The following EIF2B3 variants were observed in gnomAD, a reference collection of about 807,000 sequenced individuals.
The protein encoded by EIF2B3 is eukaryotic translation initiation factor 2B subunit gamma.
EIF2B3 carries 20 observed loss-of-function variants against 54.1 expected under a neutral mutation model. The ratio of observed to expected loss-of-function variants is 0.37; its 90% CI spans 0.26 to 0.54. The LOEUF is 0.54. Among genes scored for constraint, EIF2B3 ranks in the 20% least tolerant of loss-of-function variants. EIF2B3 has a pLI of 0.86. For missense variants in EIF2B3, 448 were observed against 547.8 expected, an observed-to-expected ratio of 0.82 and a Z score of 1.82; for synonymous variants, 153 against 188.1, an observed-to-expected ratio of 0.81 and a Z score of 1.52.
chr1:44,905,410 C>A (rs1002654979), intron 5 of EIF2B3, among the ~76,000 whole-genome samples: 1 of 152,160 alleles, frequency 6.6e-6, no homozygotes, highest in Non-Finnish European at 1.5e-5. Flanking sequence ...GACTGATGGT[C>A]TGGCTGACTG....
At chr1:44,975,054 T>C (rs1644438889) in intron 3 of EIF2B3, among the ~76,000 whole-genome samples, 2 of 151,898 alleles carry the variant, frequency 1.3e-5, no homozygotes, top group Non-Finnish European at 2.9e-5. Context: ...TCTACTAAAA[T>C]AAAAATCTAA....
At chr1:44,904,245 A>G (rs565283033) in intron 5 of EIF2B3, among the ~76,000 whole-genome samples, 26 of 152,352 alleles carry the variant, frequency 1.7e-4, no homozygotes, top group Admixed American at 1.7e-3. Context: ...CACAAAAAAA[A>G]GTCAAATACA....
intron 6 of EIF2B3, among the ~76,000 whole-genome samples, chr1:44,882,883 G>A (rs2148906486): frequency 6.6e-6 from 1 of 151,132 alleles, no homozygotes; most frequent in Non-Finnish European, 1.5e-5. Context: ...TTAAAGTGCT[G>A]GGATTACAGG....
intron 10 of EIF2B3, among the ~76,000 whole-genome samples, chr1:44,867,942 G>A (rs1365355368): frequency 6.6e-6 from 1 of 151,876 alleles, no homozygotes; most frequent in African/African-American, 2.4e-5. Context: ...GGAGGCTGAA[G>A]TGGGAAAATC....
At chr1:44,895,066 C>T (rs932246819) in intron 6 of EIF2B3, among the ~76,000 whole-genome samples, 2 of 152,042 alleles carry the variant, frequency 1.3e-5, no homozygotes, top group African/African-American at 4.8e-5. Flanking sequence ...TATCAATTTT[C>T]AATATATGCT....
chr1:44,914,806 A>C (rs917297351), intron 5 of EIF2B3, among the ~76,000 whole-genome samples: 6 of 151,978 alleles, frequency 3.9e-5, no homozygotes, highest in African/African-American at 1.4e-4. Flanking sequence ...CTCCTGCCTC[A>C]GCCTCCCAAG....
chr1:44,952,697 C>T (rs1346516372), intron 3 of EIF2B3, among the ~76,000 whole-genome samples: 6 of 151,760 alleles, frequency 4.0e-5, no homozygotes, highest in Admixed American at 6.6e-5. Flanking sequence ...GGACTACAGG[C>T]GCCCGCCACC....
At chr1:44,894,986 A>C (rs3767490) in intron 6 of EIF2B3, among the ~76,000 whole-genome samples, 22,539 of 152,012 alleles carry the variant, frequency 0.15, 1,801 homozygotes, top group Non-Finnish European at 0.17. Flanking sequence ...CCAGGAGTAA[A>C]GACTGTCCCT....
chr1:44,882,918 TTTTC>T (rs769396626), intron 6 of EIF2B3, among the ~76,000 whole-genome samples: 13 of 146,210 alleles, frequency 8.9e-5, no homozygotes, highest in Non-Finnish European at 4.5e-5. Flanking sequence ...CCTGACTTTT[TTTTC>T]TTTTTCTTTT....
chr1:44,855,491 T>G (rs1654406247), intron 11 of EIF2B3, among the ~76,000 whole-genome samples: 2 of 152,144 alleles, frequency 1.3e-5, no homozygotes, highest in Admixed American at 1.3e-4. Flanking sequence ...TCTGAGCATT[T>G]ACCATAAATC....
At position 44,970,842 on chromosome 1, in the gene EIF2B3, A is replaced by C. The variant is rs562500687; in HGVS notation, c.294+7473T>G. 4.6e-5 allele frequency among the ~76,000 whole-genome samples: 7 copies of C among 152,270 alleles called. No individual in the cohort carries two copies. In the East Asian group the frequency reaches 1.4e-3, roughly 29 times the overall value. ...TTGTTGCCTTCTACTCCTGGTTGGA[A>C]GGCAATCTGATATGAAGCCAGGATT... is the stretch of plus-strand genomic sequence containing the variant. On this transcript the variant is annotated intron_variant, in intron 3 of 11. Transcript: ENST00000360403.
At chr1:44,857,022 G>C (rs1573678084) in intron 11 of EIF2B3, among the ~76,000 whole-genome samples, 1 of 152,124 alleles carries the variant, frequency 6.6e-6, no homozygotes, top group East Asian at 1.9e-4. Flanking sequence ...CTAGGCTCAA[G>C]CGATCCTCAC....
chr1:44,857,834 G>T, intron 10 of EIF2B3, 27 bp from the exon 11 acceptor site: 1 of 1,607,518 alleles, frequency 6.2e-7, no homozygotes. Context: ...AAGTTAGGGA[G>T]GACCCAAGGC....
At chr1:44,917,587 A>G (rs1643649141) in intron 5 of EIF2B3, among the ~76,000 whole-genome samples, 1 of 151,784 alleles carries the variant, frequency 6.6e-6, no homozygotes, top group African/African-American at 2.4e-5. Flanking sequence ...AAAAAATTAA[A>G]ATTGAAGTTA....
In EIF2B3 at chr1:44,966,356, G is replaced by A. The variant is rs547685530; in HGVS notation, c.294+11959C>T. The stretch of plus-strand genomic sequence containing the variant: ...TGGGAGGCTGAGACAGGAGAATGGC[G>A]TGAACCTGGGGGGCGGAGCTTGCAG... On this transcript the variant is annotated intron_variant, in intron 3 of 11. Coordinates refer to ENST00000360403, the MANE Select transcript of EIF2B3 (RefSeq NM_020365.5). 1.3e-4 allele frequency among the ~76,000 whole-genome samples: 20 copies of A among 151,122 alleles called. No individual in the cohort carries two copies. The East Asian group carries it at 2.7e-3, about 21-fold the overall frequency.
At chr1:44,984,001 C>A (rs1462987835) in intron 1 of EIF2B3, among the ~76,000 whole-genome samples, 2 of 151,984 alleles carry the variant, frequency 1.3e-5, no homozygotes, top group Non-Finnish European at 2.9e-5. Flanking sequence ...AGCCACTGCG[C>A]CCGGCCTCTA....
At chr1:44,883,403 G>A (rs1009316882) in intron 6 of EIF2B3, among the ~76,000 whole-genome samples, 1 of 152,104 alleles carries the variant, frequency 6.6e-6, no homozygotes, top group African/African-American at 2.4e-5. Flanking sequence ...AACTTCCCCA[G>A]TTACTCCTGT....
chr1:44,965,928 C>T (rs1200825777), intron 3 of EIF2B3, among the ~76,000 whole-genome samples: 1 of 151,998 alleles, frequency 6.6e-6, no homozygotes, highest in African/African-American at 2.4e-5. Flanking sequence ...GTGTGAGCCA[C>T]CATGCCTGGC....
chr1:44,885,822 C>T (rs1252442577), intron 6 of EIF2B3, among the ~76,000 whole-genome samples: 3 of 151,978 alleles, frequency 2.0e-5, no homozygotes, highest in Non-Finnish European at 4.4e-5. Flanking sequence ...GCAACCTCCG[C>T]CTCCCAGGTT....
Sources: allele counts gnomAD v4.1 joint callset (sites outside exome capture counted in the v4.1 genomes callset), GRCh38; gene constraint gnomAD v4.1.1; transcripts MANE v1.5; gene names NCBI Gene and HGNC (gene_info 2026-07-23, HGNC 2026-07-21).